The following ADD2 variants were observed in gnomAD, a reference collection of about 807,000 sequenced individuals.
ADD2 encodes the protein adducin 2, also known as beta-adducin.
In ADD2, 23 loss-of-function variants were observed where a neutral mutation model predicts 83.0. The observed-to-expected ratio is 0.28, with a 90% CI of 0.20 to 0.39. The LOEUF (loss-of-function observed/expected upper bound fraction) is 0.39. Among genes scored for constraint, ADD2 ranks in the 10% least tolerant of loss-of-function variants. The pLI, the probability that ADD2 is intolerant of heterozygous loss-of-function variation, is 1.00. For missense variants in ADD2, 758 were observed against 944.9 expected (o/e 0.80, Z 2.59); for synonymous variants, 375 against 375.4 (o/e 1.00, Z 0.01).
intron 1 of ADD2, among the ~76,000 whole-genome samples, chr2:70,727,150 C>G (rs545110640): frequency 3.3e-5 from 5 of 152,254 alleles, no homozygotes; most frequent in Admixed American, 6.5e-5. Context: ...GCCATAGACT[C>G]GGAGCAGGAA....
rs781974988 is a variant in ADD2, at chr2:70,663,504, G to T, written c.2102C>A (p.Ser701Tyr). 2 of 1,614,010 alleles carry T rather than the reference G, an allele frequency of 1.2e-6. No homozygotes were observed. The highest frequency in any genetic ancestry group is 2.7e-5 in the African/African-American group (2 of 74,908). Residue 701 changes from serine (S) to tyrosine (Y), a missense_variant, in exon 16 of 16, where the codon TCT becomes TAT. Physicochemically the swap from Ser to Tyr is moderately radical, Grantham distance 144. Around this residue, in one of 5 missense-constraint regions of ADD2, gnomAD observed 165 missense variants for 176.2 expected, o/e 0.94. Transcript: ENST00000264436. ...GAATTTCTTTTTCTTCTTTGAGGGAGACTTGGAAGGTGAGCCCTCTGGGGA... is the reference window on the plus strand; with the variant it reads ...GAATTTCTTTTTCTTCTTTGAGGGATACTTGGAAGGTGAGCCCTCTGGGGA... The part of the protein sequence containing the change: ...PMSPEGSPSK[S>Y]PSKKKKKFRT...
At chr2:70,696,100 T>G (rs1351050076) in intron 5 of ADD2, 145 bp downstream of exon 5, 2 of 1,152,586 alleles carry the variant, frequency 1.7e-6, no homozygotes, top group African/African-American at 3.1e-5. Flanking sequence ...ATGACCACAG[T>G]GGTTAAAAAA....
At chr2:70,682,427 T>A (rs1312395801) in intron 10 of ADD2, among the ~76,000 whole-genome samples, 1 of 152,216 alleles carries the variant, frequency 6.6e-6, no homozygotes, top group African/African-American at 2.4e-5. Flanking sequence ...TTCATTATTA[T>A]AAAGCGGCCC....
At position 70,706,091 on chromosome 2, in the gene ADD2, C is replaced by T; in HGVS notation, c.183+135G>A. The stretch of plus-strand genomic sequence containing the variant: ...TGTCAAGGCCCCAGGTGACCAGATC[C>T]GTCTTGCTCAGTGGGCTTACATTTC... On this transcript the variant is annotated intron_variant, in intron 3 of 15. Transcript: ENST00000264436. This position sits in a 1 kb window ranked among gnomAD's most constrained non-coding sequence, Gnocchi z 5.0. 1 of 875,072 alleles carries T rather than the reference C, an allele frequency of 1.1e-6. No homozygotes were observed. Among genetic ancestry groups the T allele is most frequent in the African/African-American group, 1.7e-5 (1 of 59,408 alleles). 54.2% of individuals were successfully genotyped at this position (875,072 alleles called of 1,614,324 possible). A position where few individuals can be genotyped will look rare whatever the true frequency, so the allele number is the denominator to read the frequency against.
intron 15 of ADD2, among the ~76,000 whole-genome samples, chr2:70,664,698 T>A (rs1291245008): frequency 6.6e-6 from 1 of 152,080 alleles, no homozygotes; most frequent in Admixed American, 6.6e-5. Flanking sequence ...TGTGTGTGGG[T>A]GAGCACGTGT....
chr2:70,756,192 G>A (rs1402534220), intron 1 of ADD2, among the ~76,000 whole-genome samples: 2 of 151,914 alleles, frequency 1.3e-5, no homozygotes, highest in Admixed American at 6.6e-5. Context: ...AACATACAGC[G>A]GTCCCCAGTC....
chr2:70,691,066 A>G (rs1553371554), intron 7 of ADD2, 137 bp from the exon 8 acceptor site: 1 of 1,067,428 alleles, frequency 9.4e-7, no homozygotes, highest in East Asian at 2.7e-5. Context: ...GAGCAGGCAC[A>G]AGAAAGGCCT....
intron 4 of ADD2, among the ~76,000 whole-genome samples, chr2:70,696,821 C>T (rs782386772): frequency 1.3e-5 from 2 of 152,176 alleles, no homozygotes; most frequent in African/African-American, 2.4e-5. Flanking sequence ...GTTTTAACGA[C>T]ACCATGTAAT....
At position 70,663,289 on chromosome 2, in the gene ADD2, T is replaced by C; in HGVS notation, c.*136A>G. The C allele has an allele frequency of 6.9e-6, 7 of 1,019,684 alleles. No individual in the cohort carries two copies. Among genetic ancestry groups the C allele is most frequent in the Non-Finnish European group, 1.0e-5 (7 of 693,864 alleles). The allele number at this position is 1,019,684 out of a possible 1,614,324, so 63.2% of individuals were successfully genotyped here. On this transcript the variant is annotated 3_prime_UTR_variant, in exon 16 of 16. Transcript: ENST00000264436. Reference sequence around the variant, plus strand: ...GTAAAACGAAGGGTTGGTCGGGTGATCTCTAAGTTCCCCTTCCGAATGTGG... The same window carrying C: ...GTAAAACGAAGGGTTGGTCGGGTGACCTCTAAGTTCCCCTTCCGAATGTGG...
At chr2:70,666,484 A>C (rs1452816023) in intron 15 of ADD2, among the ~76,000 whole-genome samples, 1 of 152,144 alleles carries the variant, frequency 6.6e-6, no homozygotes, top group Non-Finnish European at 1.5e-5. Context: ...CCCTCACTGC[A>C]GGGCCTTCAC....
At chr2:70,690,355 C>T (rs1268301788) in intron 8 of ADD2, among the ~76,000 whole-genome samples, 6 of 152,140 alleles carry the variant, frequency 3.9e-5, no homozygotes, top group Admixed American at 3.9e-4. Flanking sequence ...CCTTGGCCTC[C>T]CAAAGTGTTG....
Position 70,676,867 on chromosome 2 carries a change from G to T in ADD2, c.1522C>A (p.Gln508Lys). ...TGAGGCCCCGCTGACTTCACATCTT[G>T]TCGGTTTTGTTCTCGAATCTGTGTG... Reference protein sequence around the residue: ...MRNKIREQNRQDVKSAGPQSQ... With the variant: ...MRNKIREQNRKDVKSAGPQSQ... Residue 508 changes from glutamine (Q) to lysine (K), a missense_variant, in exon 13 of 16, where the codon CAA becomes AAA. Transcript: ENST00000264436. The surrounding 1 kb of genome is among the most constrained non-coding windows in gnomAD (Gnocchi z 4.8). The T allele has an allele frequency of 1.2e-6, 2 of 1,613,894 alleles. No individual in the cohort carries two copies. Among genetic ancestry groups the T allele is most frequent in the Non-Finnish European group, 1.7e-6 (2 of 1,179,794 alleles).
chr2:70,763,073 T>G (rs925811271), intron 1 of ADD2, among the ~76,000 whole-genome samples: 2 of 152,026 alleles, frequency 1.3e-5, no homozygotes, highest in Non-Finnish European at 2.9e-5. Context: ...AAGAAAAGTT[T>G]AAAATAAATT....
At chr2:70,728,290 G>A (rs1553378677) in intron 1 of ADD2, among the ~76,000 whole-genome samples, 1 of 152,156 alleles carries the variant, frequency 6.6e-6, no homozygotes, top group Non-Finnish European at 1.5e-5. Flanking sequence ...GTACCTGTCT[G>A]CCAGGATCTG....
chr2:70,710,879 TTACTC>T (rs1322091286), intron 2 of ADD2, among the ~76,000 whole-genome samples: 7 of 152,226 alleles, frequency 4.6e-5, no homozygotes, highest in Non-Finnish European at 1.0e-4. Context: ...TATTAACTAT[TTACTC>T]TTATCATGTG....
intron 1 of ADD2, among the ~76,000 whole-genome samples, chr2:70,742,090 T>TAATG (rs1283368930): frequency 1.3e-4 from 20 of 152,368 alleles, no homozygotes; most frequent in Admixed American, 1.2e-3. Context: ...AAAAGGCCAT[T>TAATG]ATATACTACA....
At chr2:70,735,643 A>G (rs1014770639) in intron 1 of ADD2, among the ~76,000 whole-genome samples, 4 of 150,858 alleles carry the variant, frequency 2.7e-5, no homozygotes, top group Admixed American at 1.3e-4. Context: ...CATTCCACAT[A>G]TTCTTCCTTG....
At position 70,674,763 on chromosome 2, in the gene ADD2, C is replaced by A; in HGVS notation, c.1656G>T (p.Thr552=). ...DEDTKDDSEE[T]VPNPFSQLTD... is the part of the protein sequence containing the mutation. ...TGAGTTGGCTGAAGGGGTTGGGCAC[C>A]GTCTCCTCTGAATCGTCTTTGGTAT... is the stretch of plus-strand genomic sequence containing the variant. Residue 552 remains threonine (T), a synonymous_variant, in exon 14 of 16, where the codon ACG becomes ACT. Transcript: ENST00000264436. The A allele has an allele frequency of 6.2e-7, 1 of 1,614,080 alleles. No homozygotes were observed. Among genetic ancestry groups the A allele is most frequent in the Non-Finnish European group, 8.5e-7 (1 of 1,179,992 alleles).
At position 70,678,779 on chromosome 2, in the gene ADD2, C is replaced by A. The variant is rs143711744; in HGVS notation, c.1308G>T (p.Thr436=). The A allele has an allele frequency of 1.2e-6, 2 of 1,613,290 alleles. No individual in the cohort carries two copies. The highest frequency in any genetic ancestry group is 2.7e-5 in the African/African-American group (2 of 75,038). Residue 436 remains threonine, a synonymous_variant, in exon 11 of 16, where the codon ACG becomes ACT. Coordinates refer to ENST00000264436, the MANE Select transcript of ADD2 (RefSeq NM_001617.4). ...CATTGACCCGCAGGTAGGTGTTGGG[C>A]GTATTGAGCCAGCGGGTCTTCTCCT... ...QQKEKTRWLN[T]PNTYLRVNVA... is the part of the protein sequence containing the mutation.
Sources: gnomAD v4.1 joint callset for allele counts (sites outside exome capture counted in the v4.1 genomes callset) on GRCh38, gnomAD v4.1.1 for gene constraint, gnomAD v4.1.1 regional missense constraint, Gnocchi (gnomAD v3.1) non-coding constraint, MANE v1.5 for transcripts, NCBI Gene and HGNC (gene_info 2026-07-23, HGNC 2026-07-21) for gene names.